Variants in SCUBE2 observed in about 807,000 individuals in gnomAD.
The protein encoded by SCUBE2 is signal peptide, CUB domain and EGF like domain containing 2.
Under a neutral mutation model 125.9 loss-of-function variants are expected in SCUBE2, and 114 were observed. The observed-to-expected ratio is 0.91, with a 90% CI of 0.78 to 1.06. The LOEUF (loss-of-function observed/expected upper bound fraction) is 1.06, where lower values mean the gene tolerates loss of function less well. SCUBE2 is among the 50% of genes least tolerant of loss of function. The pLI, the probability that SCUBE2 is intolerant of heterozygous loss-of-function variation, is 0.00. For missense variants in SCUBE2, 1,255 were observed against 1,301.8 expected, an observed-to-expected ratio of 0.96 and a Z score of 0.55; for synonymous variants, 459 against 492.9, an observed-to-expected ratio of 0.93 and a Z score of 0.91.
rs370075400 is a variant in SCUBE2 at position 9,020,321 on chromosome 11, A to G, written c.*724T>C. ...GGGCACAGCTGAAGGTGCGAGAGTC[A>G]GCATAGTGCATTTGCTGCAGGGTGG... On this transcript the variant is annotated 3_prime_UTR_variant, in exon 23 of 23. Transcript: ENST00000649792. 1 of 152,542 alleles carries G rather than the reference A, an allele frequency of 6.6e-6. No individual in the cohort carries two copies. The highest frequency in any genetic ancestry group is 1.9e-4 in the East Asian group (1 of 5,188). 9.4% of individuals were successfully genotyped at this position (152,542 alleles called of 1,614,324 possible).
intron 13 of SCUBE2, among the ~76,000 whole-genome samples, chr11:9,051,343 GA>G (rs1003216584): frequency 2.6e-5 from 4 of 151,996 alleles, no homozygotes; most frequent in African/African-American, 4.8e-5. Context: ...GCCTTCCTGA[GA>G]AAAAAAGGCC....
Position 9,053,081 on chromosome 11 carries a change from G to A in SCUBE2, c.1447+18C>T. ...GCCCCAGTGTGAGGACCTGCCCCGG[G>A]AACTGGGCCCCACTCACCTGAAGAG... is the stretch of plus-strand genomic sequence containing the variant. On this transcript the variant is annotated intron_variant, in intron 12 of 22. Transcript: ENST00000649792. 1 of 1,604,148 alleles carries A rather than the reference G, an allele frequency of 6.2e-7. No individual in the cohort carries two copies. The highest frequency in any genetic ancestry group is 8.5e-7 in the Non-Finnish European group (1 of 1,170,994).
chr11:9,042,006 G>A (rs1376148895), intron 16 of SCUBE2, among the ~76,000 whole-genome samples: 1 of 152,132 alleles, frequency 6.6e-6, no homozygotes, highest in East Asian at 1.9e-4. Flanking sequence ...ATTTTAACAG[G>A]AGGCAGGTCT....
At chr11:9,029,565 T>G (rs770054489) in intron 19 of SCUBE2, among the ~76,000 whole-genome samples, 7 of 152,272 alleles carry the variant, frequency 4.6e-5, no homozygotes, top group African/African-American at 4.8e-5. Flanking sequence ...CCCAGCAGAA[T>G]GCTGGGCACG....
chr11:9,077,155 T>C (rs1221121343), intron 3 of SCUBE2, among the ~76,000 whole-genome samples: 3 of 152,210 alleles, frequency 2.0e-5, no homozygotes, highest in African/African-American at 7.2e-5. Flanking sequence ...GGTGAGCTTC[T>C]CCAGACCATA....
chr11:9,079,960 G>T (rs1478794212), intron 2 of SCUBE2, among the ~76,000 whole-genome samples: 1 of 152,158 alleles, frequency 6.6e-6, no homozygotes, highest in African/African-American at 2.4e-5. Flanking sequence ...CAAGCTTATT[G>T]TAAAATTTAT....
chr11:9,045,889 C>A (rs145545517), intron 16 of SCUBE2, among the ~76,000 whole-genome samples: 82 of 152,142 alleles, frequency 5.4e-4, no homozygotes, highest in African/African-American at 1.9e-3. Flanking sequence ...TGAGACAAGA[C>A]ACATTGGCTC....
At chr11:9,066,579 G>T in intron 6 of SCUBE2, 118 bp downstream of exon 6, 1 of 823,748 alleles carries the variant, frequency 1.2e-6, no homozygotes, top group Non-Finnish European at 2.0e-6. Context: ...CACAGGGCCT[G>T]CTGGGGGGGC....
intron 17 of SCUBE2, among the ~76,000 whole-genome samples, chr11:9,033,052 G>A (rs1306893758): frequency 2.0e-5 from 3 of 152,080 alleles, no homozygotes; most frequent in Non-Finnish European, 4.4e-5. Flanking sequence ...CCCACAGAGT[G>A]TCAATACAGC....
intron 16 of SCUBE2, among the ~76,000 whole-genome samples, chr11:9,041,262 A>ATG (rs61340479): frequency 1.3e-4 from 20 of 152,210 alleles, no homozygotes; most frequent in Non-Finnish European, 2.5e-4. Context: ...GGGAGAGAGA[A>ATG]TGTGTGTGTG....
chr11:9,070,195 T>C (rs1590126388), intron 4 of SCUBE2, among the ~76,000 whole-genome samples: 1 of 152,092 alleles, frequency 6.6e-6, no homozygotes, highest in East Asian at 1.9e-4. Context: ...AGTGTGCTCG[T>C]GTGTGGTAGC....
Position 9,025,720 on chromosome 11 carries a change from G to A in SCUBE2, c.2836C>T (p.Pro946Ser), listed in dbSNP as rs933496437. Residue 946 changes from proline to serine, a missense_variant, in exon 21 of 23, where the codon CCA becomes TCA. By Grantham distance (74) the Pro-to-Ser change is moderately conservative. Transcript: ENST00000649792. ...EGNSARGFQVPYVTYDEDYQE... is the reference protein window; with the variant it reads ...EGNSARGFQVSYVTYDEDYQE... ...TGCTTACCATCATATGTCACGTATG[G>A]GACCTGGAACCCTCTAGCGCTGTTC... 6.2e-7 allele frequency: 1 copy of A among 1,613,980 alleles called. No homozygotes were observed. Among genetic ancestry groups the A allele is most frequent in the African/African-American group, 1.3e-5 (1 of 74,912 alleles).
chr11:9,058,595 C>CAAAAAAAAAAAAAAAAA (rs61409328), intron 9 of SCUBE2, among the ~76,000 whole-genome samples: 1 of 44,304 alleles, frequency 2.3e-5, no homozygotes, highest in African/African-American at 8.5e-5. Context: ...GACTCTGTCT[C>CAAAAAAAAAAAAAAAAA]AAAAAAAAAA....
chr11:9,051,379 T>G (rs766807537), intron 13 of SCUBE2, among the ~76,000 whole-genome samples: 1 of 152,136 alleles, frequency 6.6e-6, no homozygotes, highest in African/African-American at 2.4e-5. Context: ...CAAATCTGGA[T>G]AAGCCCGTTT....
rs116174911 is a variant in SCUBE2, at chr11:9,060,166, T to C, written c.967+242A>G. ...AGGCCACTGTCTGAAATGAATTATT[T>C]GATGCTTGTAGAGGCTGACCTCCTC... On this transcript the variant is annotated intron_variant, in intron 8 of 22. Coordinates refer to ENST00000649792, the MANE Select transcript of SCUBE2 (RefSeq NM_001367977.2). 7.4e-3 allele frequency among the ~76,000 whole-genome samples: 1,121 copies of C among 152,342 alleles called. 14 individuals carry two copies. Among genetic ancestry groups the C allele is most frequent in the African/African-American group, 0.026 (1,067 of 41,566 alleles).
Position 9,074,560 on chromosome 11 carries a change from G to A in SCUBE2, c.438C>T (p.Val146=). The change falls in exon 4 of 23, where the codon GTC becomes GTT. Residue 146 remains valine (V), a synonymous_variant. Transcript: ENST00000649792. ...NGGCQHTCVN[V]MGSYECCCKE... is the part of the protein sequence containing the mutation. Reference sequence around the variant, plus strand: ...TGCAGCAGCACTCATAGCTCCCCATGACGTTGACACAGGTATGCTGGCAGC... The same window carrying A: ...TGCAGCAGCACTCATAGCTCCCCATAACGTTGACACAGGTATGCTGGCAGC... The A allele has an allele frequency of 6.2e-7, 1 of 1,614,206 alleles. No individual in the cohort carries two copies. Among genetic ancestry groups the A allele is most frequent in the Non-Finnish European group, 8.5e-7 (1 of 1,180,034 alleles).
Position 9,033,652 on chromosome 11 carries a change from T to G in SCUBE2, c.2147A>C (p.Glu716Ala), listed in dbSNP as rs761260309. The change falls in exon 17 of 23, where the codon GAA becomes GCA. Residue 716 changes from glutamate to alanine, a missense_variant. This residue lies in a region of SCUBE2 where 515 missense variants were observed against 515.7 expected (regional missense o/e 1.00). Coordinates refer to ENST00000649792, the MANE Select transcript of SCUBE2 (RefSeq NM_001367977.2). Reference protein sequence around the residue: ...PGNSGALKTPEAWNMSECGGL... With the variant: ...PGNSGALKTPAAWNMSECGGL... ...TCCACATTCAGACATATTCCAAGCTTCTGGGGTCTTCAGGGCCCCAGAATT... is the reference window on the plus strand; with the variant it reads ...TCCACATTCAGACATATTCCAAGCTGCTGGGGTCTTCAGGGCCCCAGAATT... 2.4e-5 allele frequency: 38 copies of G among 1,614,160 alleles called. No homozygotes were observed. Among genetic ancestry groups the G allele is most frequent in the Middle Eastern group, 3.3e-4 (2 of 6,052 alleles).
At chr11:9,059,193 G>T in intron 9 of SCUBE2, 110 bp downstream of exon 9, 1 of 1,281,238 alleles carries the variant, frequency 7.8e-7, no homozygotes, top group Non-Finnish European at 1.1e-6. Flanking sequence ...GATTGGATTA[G>T]TGGCCCTGTC....
chr11:9,050,396 A>G (rs572547845), intron 14 of SCUBE2: 2 of 544,274 alleles, frequency 3.7e-6, no homozygotes, highest in African/African-American at 3.8e-5. Flanking sequence ...GAAGCCCCGA[A>G]GTGTGACCCC....
Sources: allele counts gnomAD v4.1 joint callset (sites outside exome capture counted in the v4.1 genomes callset), GRCh38; gene constraint gnomAD v4.1.1; regional missense constraint gnomAD v4.1.1; transcripts MANE v1.5; gene names NCBI Gene and HGNC (gene_info 2026-07-23, HGNC 2026-07-21).